ACTR6: variants seen among roughly 807,000 people sequenced by gnomAD.
The protein encoded by ACTR6 is actin-related protein 6.
Under a neutral mutation model 52.5 loss-of-function variants are expected in ACTR6, and 50 were observed. The ratio of observed to expected loss-of-function variants is 0.95; its 90% CI spans 0.76 to 1.20. The LOEUF is 1.20. Among genes scored for constraint, ACTR6 ranks in the 50% most tolerant of loss-of-function variants. The pLI is 0.00. For synonymous variants in ACTR6, 135 were observed against 147.2 expected (o/e 0.92, Z 0.60); for missense variants, 344 against 472.4 (o/e 0.73, Z 2.52).
intron 1 of ACTR6, among the ~76,000 whole-genome samples, chr12:100,202,343 A>C (rs1301890188): frequency 6.6e-6 from 1 of 152,198 alleles, no homozygotes; most frequent in African/African-American, 2.4e-5. Context: ...ATAATCAGGA[A>C]TAGCATATTG....
At chr12:100,206,841 T>C in intron 3 of ACTR6, among the ~76,000 whole-genome samples, 1 of 150,130 alleles carries the variant, frequency 6.7e-6, no homozygotes. Context: ...GCTCTTTTTT[T>C]TTTTTTTTTT....
At chr12:100,205,097 C>T in intron 2 of ACTR6, 40 bp downstream of exon 2, 1 of 1,269,230 alleles carries the variant, frequency 7.9e-7, no homozygotes, top group Non-Finnish European at 1.1e-6. Flanking sequence ...GCATTGTAGA[C>T]CTAAATTTAA....
intron 4 of ACTR6, 80 bp downstream of exon 4, chr12:100,207,866 T>C: frequency 6.7e-7 from 1 of 1,490,560 alleles, no homozygotes; most frequent in Non-Finnish European, 9.2e-7. Context: ...CCCAAAATAT[T>C]AAGTGGCATT....
At chr12:100,213,512 C>A (rs1250927261) in intron 8 of ACTR6, among the ~76,000 whole-genome samples, 3 of 152,184 alleles carry the variant, frequency 2.0e-5, no homozygotes, top group Non-Finnish European at 4.4e-5. Context: ...AAAGATAGCA[C>A]ATAGGGCAAA....
At position 100,207,726 on chromosome 12, in the gene ACTR6, G is replaced by A. The variant is rs772218213; in HGVS notation, c.319G>A (p.Glu107Lys). 6.3e-7 allele frequency: 1 copy of A among 1,591,800 alleles called. No homozygotes were observed. Among genetic ancestry groups the A allele is most frequent in the Non-Finnish European group, 8.6e-7 (1 of 1,163,658 alleles). Residue 107 changes from glutamate to lysine, a missense_variant, in exon 4 of 11, where the codon GAA becomes AAA. Physicochemically the swap from Glu to Lys is moderately conservative, Grantham distance 56. Transcript: ENST00000188312. Reference sequence around the variant, plus strand: ...ATACTTTAACTTCACTTCAATTCAAGAATCAATGAATGAAATTCTATTTGA... The same window carrying A: ...ATACTTTAACTTCACTTCAATTCAAAAATCAATGAATGAAATTCTATTTGA... ...EPYFNFTSIQ[E>K]SMNEILFEEY... is the part of the protein sequence containing the mutation.
rs748210896 is a variant in ACTR6 at position 100,207,920 on chromosome 12, G to A, written c.379+134G>A. Reference sequence around the variant, plus strand: ...TAACACCTGTAACCCCATCAGTTTGGGAGGCTGAGGCGAGTAGATCACTTG... The same window carrying A: ...TAACACCTGTAACCCCATCAGTTTGAGAGGCTGAGGCGAGTAGATCACTTG... On this transcript the variant is annotated intron_variant, in intron 4 of 10. Coordinates refer to ENST00000188312, the MANE Select transcript of ACTR6 (RefSeq NM_022496.5). 8.7e-6 allele frequency: 8 copies of A among 923,064 alleles called. No individual in the cohort carries two copies. In the Admixed American group the frequency reaches 1.2e-4, roughly 14 times the overall value. The allele number at this position is 923,064 out of a possible 1,614,324, so 57.2% of individuals were successfully genotyped here.
rs1460168191 is a variant in ACTR6 at position 100,220,003 on chromosome 12, T to G, written c.923-5T>G. Reference sequence around the variant, plus strand: ...TCCTTTCCTTCTCCTTTTCTTCTTTTAAAGAAATGCAGCCGCATTTTTTTA... The same window carrying G: ...TCCTTTCCTTCTCCTTTTCTTCTTTGAAAGAAATGCAGCCGCATTTTTTTA... On this transcript the variant is annotated splice_region_variant and splice_polypyrimidine_tract_variant and intron_variant, in intron 9 of 10. Transcript: ENST00000188312. The G allele has an allele frequency of 1.9e-6, 3 of 1,611,374 alleles. No individual in the cohort carries two copies. The highest frequency in any genetic ancestry group is 2.5e-6 in the Non-Finnish European group (3 of 1,179,186).
chr12:100,212,099 C>T (rs17030047), intron 6 of ACTR6, among the ~76,000 whole-genome samples, 157 bp from the exon 7 acceptor site: 7,313 of 152,144 alleles, frequency 0.048, 558 homozygotes, highest in African/African-American at 0.16. Context: ...ATGGAAGTGA[C>T]AGTATTCCAT....
At chr12:100,202,147 G>T (rs954674003) in intron 1 of ACTR6, among the ~76,000 whole-genome samples, 4 of 152,240 alleles carry the variant, frequency 2.6e-5, no homozygotes, top group African/African-American at 4.8e-5. Flanking sequence ...TGGCCATGCT[G>T]GTCTGGAATT....
intron 1 of ACTR6, 47 bp from the exon 2 acceptor site, chr12:100,204,893 T>A (rs762289056): frequency 2.3e-6 from 3 of 1,281,204 alleles, no homozygotes; most frequent in Middle Eastern, 1.9e-4. Flanking sequence ...AAAATGTTTT[T>A]AGGAACTAAA....
At chr12:100,214,697 T>C (rs773176058) in intron 8 of ACTR6, among the ~76,000 whole-genome samples, 45 of 152,180 alleles carry the variant, frequency 3.0e-4, no homozygotes, top group Non-Finnish European at 1.2e-4. Flanking sequence ...ATCATTTCAC[T>C]GCACTCCAGA....
intron 4 of ACTR6, among the ~76,000 whole-genome samples, chr12:100,209,407 GC>G (rs2153900299): frequency 1.3e-5 from 2 of 152,320 alleles, no homozygotes; most frequent in Non-Finnish European, 2.9e-5. Context: ...TACAGTCCCA[GC>G]TACTGGAGAG....
chr12:100,215,317 T>C (rs2096123157), intron 8 of ACTR6, among the ~76,000 whole-genome samples: 1 of 152,228 alleles, frequency 6.6e-6, no homozygotes, highest in Non-Finnish European at 1.5e-5. Flanking sequence ...ACCTATTTGT[T>C]TATTGGACAT....
In ACTR6 at chr12:100,207,856, C is replaced by T. The variant is rs1462832614; in HGVS notation, c.379+70C>T. On this transcript the variant is annotated intron_variant, in intron 4 of 10. Coordinates refer to ENST00000188312, the MANE Select transcript of ACTR6 (RefSeq NM_022496.5). The stretch of plus-strand genomic sequence containing the variant: ...ATGAATAGGGTAATACTCATAAAGT[C>T]CCAAAATATTAAGTGGCATTCTTGG... 4.6e-6 allele frequency: 7 copies of T among 1,522,442 alleles called. No homozygotes were observed. The East Asian group carries it at 1.4e-4, about 31-fold the overall frequency. 94.3% of individuals were successfully genotyped at this position (1,522,442 alleles called of 1,614,324 possible).
chr12:100,210,484 C>T (rs892321121), intron 6 of ACTR6, 133 bp downstream of exon 6: 30 of 941,472 alleles, frequency 3.2e-5, no homozygotes, highest in Admixed American at 5.5e-5. Flanking sequence ...ATTGGGAGGC[C>T]GAGGTGGGTG....
chr12:100,222,245 G>A lies in ACTR6; in HGVS notation c.1062-1541G>A, dbSNP rs567421187. The stretch of plus-strand genomic sequence containing the variant: ...TTAGATTACAGGTGTGAGCTACTGC[G>A]CCTGGCTTTGGGTTTTTTTTTTTTT... On this transcript the variant is annotated intron_variant, in intron 10 of 10. Transcript: ENST00000188312. Among the ~76,000 whole-genome samples, 15 of 146,976 alleles carry A rather than the reference G, an allele frequency of 1.0e-4. No individual in the cohort carries two copies. In the South Asian group the frequency reaches 2.3e-3, roughly 23 times the overall value.
intron 4 of ACTR6, among the ~76,000 whole-genome samples, chr12:100,209,202 T>A (rs2096117700): frequency 6.6e-6 from 1 of 152,138 alleles, no homozygotes; most frequent in East Asian, 1.9e-4. Flanking sequence ...CTTTCAGAAT[T>A]TAAGTCCATA....
chr12:100,218,435 G>C lies in ACTR6; in HGVS notation c.771G>C (p.Leu257Phe), dbSNP rs2096125522. Residue 257 changes from leucine (L) to phenylalanine (F), a missense_variant, in exon 9 of 11, where the codon TTG becomes TTC. Leu to Phe is a conservative substitution (Grantham distance 22). Coordinates refer to ENST00000188312, the MANE Select transcript of ACTR6 (RefSeq NM_022496.5). The surrounding 1 kb of genome is among the most constrained non-coding windows in gnomAD (Gnocchi z 4.2). ...TTAAGCCAAGGGAAGAGATGGTGTT[G>C]AGTGGAAAATACAAATCTGGGGAAC... ...GFCKPREEMV[L>F]SGKYKSGEQI... The C allele has an allele frequency of 6.2e-7, 1 of 1,610,176 alleles. No homozygotes were observed. The highest frequency in any genetic ancestry group is 8.5e-7 in the Non-Finnish European group (1 of 1,178,426).
intron 8 of ACTR6, among the ~76,000 whole-genome samples, chr12:100,214,563 A>C (rs935757510): frequency 2.4e-5 from 3 of 125,118 alleles, no homozygotes; most frequent in Non-Finnish European, 3.3e-5. Context: ...CTGTCTCTAC[A>C]AAAAAAAAAA....
Sources: allele counts gnomAD v4.1 joint callset (sites outside exome capture counted in the v4.1 genomes callset), GRCh38; gene constraint gnomAD v4.1.1; non-coding constraint Gnocchi (gnomAD v3.1); transcripts MANE v1.5; gene names NCBI Gene and HGNC (gene_info 2026-07-23, HGNC 2026-07-21).